Variants in SAMM50 observed in about 807,000 individuals in gnomAD.
The protein encoded by SAMM50 is SAMM50 sorting and assembly machinery component, also known as sorting and assembly machinery component 50 homolog.
A neutral mutation model predicts 66.9 loss-of-function variants in SAMM50; 47 were observed. The observed-to-expected ratio is 0.70, with a 90% CI of 0.56 to 0.90. The LOEUF (loss-of-function observed/expected upper bound fraction) is 0.90, where lower values mean the gene tolerates loss of function less well. SAMM50 is among the 40% of genes least tolerant of loss of function. The pLI, the probability that SAMM50 is intolerant of heterozygous loss-of-function variation, is 0.00. For synonymous variants in SAMM50, 191 were observed against 214.1 expected, an observed-to-expected ratio of 0.89 and a Z score of 0.94; for missense variants, 535 against 595.3, an observed-to-expected ratio of 0.90 and a Z score of 1.05.
chr22:43,989,348 T>TTC (rs1469882575), intron 13 of SAMM50, 91 bp downstream of exon 13: 1 of 1,408,322 alleles, frequency 7.1e-7, no homozygotes, highest in Non-Finnish European at 9.5e-7. Context: ...TCTTTTTTTT[T>TTC]TTTTTTTGAG....
chr22:43,994,177 G>C (rs1480060589), intron 14 of SAMM50, among the ~76,000 whole-genome samples: 1 of 152,224 alleles, frequency 6.6e-6, no homozygotes, highest in Non-Finnish European at 1.5e-5. Flanking sequence ...CGCAGGGACA[G>C]TGGTCCTGGC....
At chr22:43,984,668 G>A (rs1390639845) in intron 12 of SAMM50, among the ~76,000 whole-genome samples, 13 of 149,372 alleles carry the variant, frequency 8.7e-5, no homozygotes, top group African/African-American at 5.0e-5. Context: ...TCGCTCTGTC[G>A]CCCAGGCTGG....
chr22:43,995,673 C>T (rs900069810), intron 14 of SAMM50, among the ~76,000 whole-genome samples: 1 of 152,230 alleles, frequency 6.6e-6, no homozygotes, highest in Non-Finnish European at 1.5e-5. Context: ...GTCTGGAGTC[C>T]TGTCCTGCCA....
intron 7 of SAMM50, chr22:43,974,495 C>A (rs1208025372): frequency 6.6e-6 from 1 of 152,280 alleles, no homozygotes; most frequent in African/African-American, 2.4e-5. Flanking sequence ...GGCCTCTGGT[C>A]CTTGCAGACC....
intron 13 of SAMM50, among the ~76,000 whole-genome samples, 194 bp from the exon 14 acceptor site, chr22:43,990,071 G>T (rs1171399769): frequency 1.3e-5 from 2 of 152,212 alleles, no homozygotes; most frequent in African/African-American, 2.4e-5. Flanking sequence ...CATTCTGGAT[G>T]TGAGTAAGTG....
chr22:43,967,942 C>T (rs1369171472), intron 3 of SAMM50, among the ~76,000 whole-genome samples: 1 of 152,122 alleles, frequency 6.6e-6, no homozygotes. Flanking sequence ...GTTAGAAAGG[C>T]CGGGCGTGGT....
intron 1 of SAMM50, among the ~76,000 whole-genome samples, chr22:43,957,981 C>T (rs1251423178): frequency 6.6e-6 from 1 of 151,918 alleles, no homozygotes; most frequent in East Asian, 1.9e-4. Context: ...TCTCGATCTC[C>T]TGACCTTGTG....
At chr22:43,970,964 A>C (rs554119380) in intron 4 of SAMM50, among the ~76,000 whole-genome samples, 1 of 152,320 alleles carries the variant, frequency 6.6e-6, no homozygotes, top group South Asian at 2.1e-4. Flanking sequence ...CAGGAGTTCG[A>C]GACCAGCCTG....
intron 4 of SAMM50, among the ~76,000 whole-genome samples, chr22:43,969,808 T>G (rs6006464): frequency 0.015 from 2,349 of 152,020 alleles, 68 homozygotes; most frequent in African/African-American, 0.054. Flanking sequence ...GAGTGCAGGT[T>G]GGGGGAATGG....
chr22:43,972,870 G>A lies in SAMM50; in HGVS notation c.430-1G>A. 6.3e-7 allele frequency: 1 copy of A among 1,581,222 alleles called. No homozygotes were observed. The highest frequency in any genetic ancestry group is 8.5e-7 in the Non-Finnish European group (1 of 1,170,578). Reference sequence around the variant, plus strand: ...GCTATTTTTTTTTTTTCCCCTCCTAGGTACTTGGCCTCAAGCTTCCTAATC... The same window carrying A: ...GCTATTTTTTTTTTTTCCCCTCCTAAGTACTTGGCCTCAAGCTTCCTAATC... On this transcript the variant is annotated splice_acceptor_variant, in intron 5 of 14. Coordinates refer to ENST00000350028, the MANE Select transcript of SAMM50 (RefSeq NM_015380.5). LOFTEE classifies it high-confidence loss of function.
chr22:43,987,641 T>C (rs1427800200), intron 12 of SAMM50: 1 of 152,150 alleles, frequency 6.6e-6, no homozygotes, highest in African/African-American at 2.4e-5. Flanking sequence ...ACACTTAGGA[T>C]GTGTATACTT....
chr22:43,968,447 G>A (rs56312733), intron 3 of SAMM50, among the ~76,000 whole-genome samples: 2,991 of 152,270 alleles, frequency 0.02, 92 homozygotes, highest in African/African-American at 0.067. Flanking sequence ...TCTAGACTGT[G>A]TGTTAGGTTT....
At chr22:43,974,338 G>A (rs897838208) in intron 7 of SAMM50, among the ~76,000 whole-genome samples, 6 of 152,198 alleles carry the variant, frequency 3.9e-5, no homozygotes, top group Non-Finnish European at 5.9e-5. Context: ...AGGGCTGTGC[G>A]ACCTCAGGCA....
intron 1 of SAMM50, among the ~76,000 whole-genome samples, chr22:43,956,797 T>C (rs140760310): frequency 3.2e-4 from 48 of 152,320 alleles, no homozygotes; most frequent in Non-Finnish European, 5.0e-4. Flanking sequence ...TCAAACTGGT[T>C]GGCAGCATCA....
Position 43,989,152 on chromosome 22 carries a change from C to T in SAMM50, c.1117C>T (p.His373Tyr). 6.2e-7 allele frequency: 1 copy of T among 1,614,064 alleles called. No individual in the cohort carries two copies. The highest frequency in any genetic ancestry group is 8.5e-7 in the Non-Finnish European group (1 of 1,180,002). The change falls in exon 13 of 15, where the codon CAC (histidine) becomes TAC (tyrosine). Residue 373 changes from histidine (H) to tyrosine (Y), a missense_variant. Coordinates refer to ENST00000350028, the MANE Select transcript of SAMM50 (RefSeq NM_015380.5). ...AGAAGCGTACTGGGCCGGCGGCCTG[C>T]ACCTCTACACCCCATTACCTTTCCG... ...GGEAYWAGGL[H>Y]LYTPLPFRPG...
At chr22:43,963,189 G>A in intron 1 of SAMM50, 97 bp from the exon 2 acceptor site, 1 of 717,888 alleles carries the variant, frequency 1.4e-6, no homozygotes, top group Non-Finnish European at 2.3e-6. Context: ...AACAACTACT[G>A]AATTTTCTGC....
intron 5 of SAMM50, 139 bp from the exon 6 acceptor site, chr22:43,972,732 C>G: frequency 1.2e-6 from 1 of 822,972 alleles, no homozygotes; most frequent in South Asian, 1.7e-5. Flanking sequence ...AAAGTGATTA[C>G]AAATGAAAGA....
At chr22:43,979,528 A>ACCAATGTCG (rs1479688419) in intron 10 of SAMM50, among the ~76,000 whole-genome samples, 3 of 152,098 alleles carry the variant, frequency 2.0e-5, no homozygotes, top group Non-Finnish European at 2.9e-5. Context: ...TCCGCACTGA[A>ACCAATGTCG]CCAATGTCGC....
intron 12 of SAMM50, 116 bp from the exon 13 acceptor site, chr22:43,988,995 A>G: frequency 1.0e-6 from 1 of 967,704 alleles, no homozygotes; most frequent in Non-Finnish European, 1.6e-6. Flanking sequence ...TGCAAACTCC[A>G]GCACTGTGTG....
Sources: gnomAD v4.1 joint callset for allele counts (sites outside exome capture counted in the v4.1 genomes callset) on GRCh38, gnomAD v4.1.1 for gene constraint, MANE v1.5 for transcripts, NCBI Gene and HGNC (gene_info 2026-07-23, HGNC 2026-07-21) for gene names.